Variants in PDE1C observed in about 807,000 individuals in gnomAD.
PDE1C encodes phosphodiesterase 1C.
Under a neutral mutation model 93.1 loss-of-function variants are expected in PDE1C, and 62 were observed. That is an observed-to-expected ratio of 0.67 (90% CI 0.54 to 0.82). PDE1C has a LOEUF of 0.82. PDE1C is among the 40% of genes least tolerant of loss of function. The probability of loss-of-function intolerance (pLI) is 0.00; values close to 1 mark genes in which losing one functional copy is unlikely to be tolerated. For synonymous variants in PDE1C, 325 were observed against 310.1 expected, an observed-to-expected ratio of 1.05 and a Z score of -0.50; for missense variants, 742 against 884.6, an observed-to-expected ratio of 0.84 and a Z score of 2.04.
intron 5 of PDE1C, among the ~76,000 whole-genome samples, chr7:31,875,346 G>C (rs528849894): frequency 2.2e-4 from 33 of 152,152 alleles, no homozygotes; most frequent in Admixed American, 1.8e-3. Context: ...TGAGCAAATA[G>C]AGACAGTGAG....
intron 3 of PDE1C, among the ~76,000 whole-genome samples, chr7:32,116,781 C>T (rs1237022711): frequency 6.6e-6 from 1 of 152,060 alleles, no homozygotes; most frequent in Non-Finnish European, 1.5e-5. Context: ...AATTTTTGTC[C>T]CCTTTTGCTA....
At chr7:32,242,064 A>T (rs1202704213) in intron 1 of PDE1C, among the ~76,000 whole-genome samples, 3 of 152,152 alleles carry the variant, frequency 2.0e-5, no homozygotes, top group Non-Finnish European at 2.9e-5. Flanking sequence ...ACTGACCAAG[A>T]TTTGCCAGAT....
chr7:32,424,766 T>C (rs1424131595), intron 1 of PDE1C, among the ~76,000 whole-genome samples: 2 of 152,154 alleles, frequency 1.3e-5, no homozygotes, highest in African/African-American at 4.8e-5. Context: ...GAGCTGAGAT[T>C]GCAGTGAGCC....
the PDE1C span, among the ~76,000 whole-genome samples, chr7:31,738,477 C>A: frequency 2.0e-5 from 3 of 152,160 alleles, no homozygotes; most frequent in Non-Finnish European, 4.4e-5. Flanking sequence ...GAAACTGCCC[C>A]CAGGATTCAG....
chr7:32,332,630 C>T (rs994197769), intron 1 of PDE1C, among the ~76,000 whole-genome samples: 1 of 152,028 alleles, frequency 6.6e-6, no homozygotes, highest in African/African-American at 2.4e-5. Flanking sequence ...CTGGGGAAAA[C>T]ACAAATGTCT....
intron 1 of PDE1C, among the ~76,000 whole-genome samples, chr7:32,345,860 G>A (rs183332895): frequency 3.9e-5 from 6 of 152,324 alleles, no homozygotes; most frequent in African/African-American, 7.2e-5. Context: ...GAATTGGTGA[G>A]GATGTGAAGA....
At chr7:32,419,717 C>G (rs760659227) in intron 1 of PDE1C, among the ~76,000 whole-genome samples, 1 of 152,012 alleles carries the variant, frequency 6.6e-6, no homozygotes, top group Non-Finnish European at 1.5e-5. Context: ...AGGAAAAACC[C>G]AGGGCTTTGC....
At chr7:32,427,061 G>A (rs1457875552) in intron 1 of PDE1C, among the ~76,000 whole-genome samples, 2 of 152,172 alleles carry the variant, frequency 1.3e-5, no homozygotes, top group African/African-American at 2.4e-5. Flanking sequence ...CTGCCCCGAC[G>A]AAATGGAATC....
intron 3 of PDE1C, among the ~76,000 whole-genome samples, chr7:32,157,007 A>G (rs1049022047): frequency 6.6e-6 from 1 of 152,210 alleles, no homozygotes; most frequent in African/African-American, 2.4e-5. Context: ...AGAAGGACTC[A>G]GTGTCACTTA....
intron 1 of PDE1C, among the ~76,000 whole-genome samples, chr7:32,389,058 A>T (rs897247535): frequency 1.3e-5 from 2 of 152,178 alleles, no homozygotes; most frequent in African/African-American, 4.8e-5. Context: ...GTTGATTGCC[A>T]TCAAATTATA....
rs775690421 is a variant in PDE1C at position 32,083,262 on chromosome 7, T to G, written c.308+86523A>C. On this transcript the variant is annotated intron_variant, in intron 3 of 18. Coordinates refer to the PDE1C transcript ENST00000396193. ...AAGAAAGGGTATCAGTGATGGAAGA[T>G]GAAATGAATGAAATGAAGTGAGAAG... 1.2e-3 allele frequency among the ~76,000 whole-genome samples: 188 copies of G among 150,464 alleles called. 1 individual carries two copies. The Middle Eastern group carries it at 0.014, about 11-fold the overall frequency.
At chr7:32,054,563 C>T (rs1380547294) in intron 1 of PDE1C, among the ~76,000 whole-genome samples, 2 of 152,110 alleles carry the variant, frequency 1.3e-5, no homozygotes, top group Non-Finnish European at 2.9e-5. Flanking sequence ...ACATGGTTGG[C>T]TAAATAAATG....
intron 2 of PDE1C, among the ~76,000 whole-genome samples, chr7:32,197,155 C>T (rs1360341081): frequency 6.6e-6 from 1 of 152,082 alleles, no homozygotes; most frequent in Non-Finnish European, 1.5e-5. Context: ...TAAAATCTAG[C>T]TCTCCAAATA....
At chr7:31,658,436 CACATGTCGA>C in the PDE1C span, 2 of 1,426,240 alleles carry the variant, frequency 1.4e-6, no homozygotes, top group Non-Finnish European at 1.8e-6. Context: ...CAGAGTATAA[CACATGTCGA>C]ACAAAATAGA....
At chr7:32,421,807 G>C (rs996905056) in intron 1 of PDE1C, among the ~76,000 whole-genome samples, 4 of 152,184 alleles carry the variant, frequency 2.6e-5, no homozygotes, top group Non-Finnish European at 4.4e-5. Flanking sequence ...TAAAGAGGCT[G>C]TCTAGGGGCT....
chr7:31,907,407 G>A (rs1800734840), intron 2 of PDE1C, among the ~76,000 whole-genome samples: 1 of 151,978 alleles, frequency 6.6e-6, no homozygotes, highest in Admixed American at 6.6e-5. Context: ...TTTATGAGAA[G>A]CAGGTGTCTG....
At chr7:31,842,826 G>A (rs928783119) in intron 9 of PDE1C, among the ~76,000 whole-genome samples, 1 of 151,668 alleles carries the variant, frequency 6.6e-6, no homozygotes, top group African/African-American at 2.4e-5. Context: ...GCTTCCTGAA[G>A]TCATTGTGTT....
At chr7:31,742,221 T>A in the PDE1C span, among the ~76,000 whole-genome samples, 1 of 152,222 alleles carries the variant, frequency 6.6e-6, no homozygotes, top group East Asian at 1.9e-4. Flanking sequence ...CCATCGGACT[T>A]CCACTTGCTC....
intron 3 of PDE1C, among the ~76,000 whole-genome samples, chr7:32,161,716 A>C (rs770941047): frequency 6.6e-6 from 1 of 152,178 alleles, no homozygotes; most frequent in Admixed American, 6.5e-5. Context: ...AAGTTTATCC[A>C]CACTTCACAT....
Sources: gnomAD v4.1 joint callset for allele counts (sites outside exome capture counted in the v4.1 genomes callset) on GRCh38, gnomAD v4.1.1 for gene constraint, MANE v1.5 for transcripts, NCBI Gene and HGNC (gene_info 2026-07-23, HGNC 2026-07-21) for gene names.